The following LOC131768270 variants were observed in gnomAD, a reference collection of about 807,000 sequenced individuals.
chr5:140,566,510 C>A, the LOC131768270 span: 1 of 410,622 alleles, frequency 2.4e-6, no homozygotes, highest in South Asian at 1.1e-4. Context: ...TTGAGTAGCC[C>A]CTGGACAGTC....
At chr5:140,564,979 G>T in the LOC131768270 span, 2 of 399,358 alleles carry the variant, frequency 5.0e-6, no homozygotes, top group African/African-American at 2.1e-5. The surrounding 1 kb of genome is among the most constrained non-coding windows in gnomAD (Gnocchi z 5.0). Flanking sequence ...TGTTTCTTCT[G>T]CGGCTCCTGT....
the LOC131768270 span, chr5:140,568,123 C>T: frequency 1.2e-6 from 2 of 1,613,658 alleles, no homozygotes; most frequent in Non-Finnish European, 1.7e-6. Context: ...TGGCCATGCG[C>T]CTGTACTATG....
chr5:140,567,449 C>T, the LOC131768270 span: 25 of 1,614,172 alleles, frequency 1.5e-5, no homozygotes, highest in South Asian at 2.6e-4. Context: ...ACTATCAGCC[C>T]TGCTCTATGG....
the LOC131768270 span, chr5:140,565,189 C>T: frequency 3.1e-6 from 1 of 327,782 alleles, no homozygotes; most frequent in East Asian, 4.7e-5. Flanking sequence ...CACGATGTTT[C>T]CAATCACACG....
the LOC131768270 span, chr5:140,567,553 G>A: frequency 6.2e-7 from 1 of 1,614,216 alleles, no homozygotes; most frequent in Non-Finnish European, 8.5e-7. Context: ...GCACAGCTGT[G>A]CTCTACTGCC....
the LOC131768270 span, chr5:140,564,874 G>T: frequency 2.5e-6 from 1 of 406,334 alleles, no homozygotes; most frequent in Admixed American, 4.3e-5. The surrounding 1 kb of genome is among the most constrained non-coding windows in gnomAD (Gnocchi z 5.0). Flanking sequence ...TGGCCGTGGG[G>T]GTGATCTGCA....
chr5:140,567,967 C>A, the LOC131768270 span: 2 of 1,614,200 alleles, frequency 1.2e-6, no homozygotes, highest in South Asian at 1.1e-5. Flanking sequence ...ATGGACTGCT[C>A]ATGTCTGCTG....
the LOC131768270 span, chr5:140,567,854 G>A: frequency 6.2e-7 from 1 of 1,614,160 alleles, no homozygotes. Context: ...CACTTTTGGT[G>A]TGCTTCTGAA....
At chr5:140,568,524 T>G in the LOC131768270 span, 1 of 278,904 alleles carries the variant, frequency 3.6e-6, no homozygotes, top group Non-Finnish European at 7.4e-6. Context: ...GTGGCTTTCC[T>G]TGCCTACTTT....
chr5:140,565,211 C>G, the LOC131768270 span: 1 of 294,086 alleles, frequency 3.4e-6, no homozygotes, highest in African/African-American at 2.2e-5. Flanking sequence ...ACACTCACAC[C>G]ACCCTCATTC....
chr5:140,567,579 G>A, the LOC131768270 span: 51 of 1,614,122 alleles, frequency 3.2e-5, no homozygotes, highest in Non-Finnish European at 3.7e-5. Context: ...CTCCGGCACC[G>A]CCTCTCTGTG....
chr5:140,564,849 G>A, the LOC131768270 span: 1 of 404,102 alleles, frequency 2.5e-6, no homozygotes, highest in South Asian at 1.1e-4. This position sits in a 1 kb window ranked among gnomAD's most constrained non-coding sequence, Gnocchi z 5.0. Context: ...GGAAGATGGC[G>A]GATGACAAGG....
chr5:140,565,747 G>C, the LOC131768270 span: 1 of 395,268 alleles, frequency 2.5e-6, no homozygotes, highest in Admixed American at 4.4e-5. Flanking sequence ...TGCCATCTCA[G>C]GAAGCTTTTA....
chr5:140,567,317 C>T, the LOC131768270 span: 1 of 1,614,184 alleles, frequency 6.2e-7, no homozygotes, highest in East Asian at 2.2e-5. Context: ...GCCCTTCCGG[C>T]CCTCCTCAGC....
the LOC131768270 span, chr5:140,567,541 A>T: frequency 9.3e-6 from 15 of 1,614,082 alleles, no homozygotes; most frequent in East Asian, 1.8e-4. Context: ...TCAAGATTGG[A>T]AGCACAGCTG....
the LOC131768270 span, chr5:140,567,116 C>T: frequency 3.7e-6 from 6 of 1,613,346 alleles, no homozygotes; most frequent in Non-Finnish European, 5.1e-6. Context: ...TTGATTTTCC[C>T]CAAACGTGTT....
chr5:140,566,904 G>A, the LOC131768270 span: 3 of 635,576 alleles, frequency 4.7e-6, no homozygotes, highest in Non-Finnish European at 8.5e-6. Flanking sequence ...GCAGATTGTG[G>A]ACAGTAGTTC....
the LOC131768270 span, chr5:140,567,868 A>G: frequency 2.4e-5 from 38 of 1,614,048 alleles, no homozygotes; most frequent in Non-Finnish European, 3.2e-5. Flanking sequence ...TTCTGAATCT[A>G]GGTCTGCATG....
At chr5:140,565,185 G>A in the LOC131768270 span, 3 of 332,244 alleles carry the variant, frequency 9.0e-6, no homozygotes, top group Non-Finnish European at 1.6e-5. Flanking sequence ...GTGACACGAT[G>A]TTTCCAATCA....
Sources: gnomAD v4.1 joint callset for allele counts on GRCh38, gnomAD v4.1.1 for gene constraint, Gnocchi (gnomAD v3.1) non-coding constraint, MANE v1.5 for transcripts.